The following EFCAB6 variants were observed in gnomAD, a reference collection of about 807,000 sequenced individuals.
EFCAB6 encodes EF-hand calcium binding domain 6, also known as EF-hand calcium-binding domain-containing protein 6.
A neutral mutation model predicts 169.8 loss-of-function variants in EFCAB6; 156 were observed. The observed-to-expected ratio is 0.92, with a 90% CI of 0.81 to 1.05. The LOEUF is 1.05. Among genes scored for constraint, EFCAB6 ranks in the 50% least tolerant of loss-of-function variants. The probability of loss-of-function intolerance (pLI) is 0.00; values close to 1 mark genes in which losing one functional copy is unlikely to be tolerated. For synonymous variants in EFCAB6, 698 were observed against 676.4 expected (o/e 1.03, Z -0.50); for missense variants, 1,800 against 1,829.1 (o/e 0.98, Z 0.29).
chr22:43,562,983 A>C (rs2049164636), intron 26 of EFCAB6, among the ~76,000 whole-genome samples: 1 of 152,100 alleles, frequency 6.6e-6, no homozygotes, highest in Admixed American at 6.5e-5. Context: ...GCCTGCTGCT[A>C]TCTGGGACGA....
chr22:43,700,580 A>C (rs1229794188), intron 10 of EFCAB6, among the ~76,000 whole-genome samples: 2 of 152,246 alleles, frequency 1.3e-5, no homozygotes, highest in Non-Finnish European at 2.9e-5. Context: ...CTCGGGAGAC[A>C]GAATGACAGA....
At chr22:43,640,180 A>C (rs936747563) in intron 17 of EFCAB6, among the ~76,000 whole-genome samples, 1 of 152,160 alleles carries the variant, frequency 6.6e-6, no homozygotes, top group Non-Finnish European at 1.5e-5. Context: ...AATGTTGAAT[A>C]ATTTGGGGTT....
At chr22:43,665,890 C>G (rs2057223852) in intron 17 of EFCAB6, among the ~76,000 whole-genome samples, 1 of 152,322 alleles carries the variant, frequency 6.6e-6, no homozygotes, top group South Asian at 2.1e-4. Flanking sequence ...TGGGTTCCAG[C>G]AATTCTCCTG....
intron 17 of EFCAB6, among the ~76,000 whole-genome samples, chr22:43,661,932 T>C (rs1009819019): frequency 3.3e-5 from 5 of 152,006 alleles, no homozygotes; most frequent in Non-Finnish European, 5.9e-5. Context: ...GCCTGACCAA[T>C]ATGGTGAAAA....
rs570301360 is a variant in EFCAB6, at chr22:43,537,119, A to G, written c.4048+258T>C. The G allele has an allele frequency of 1.7e-5, 6 of 363,270 alleles. No homozygotes were observed. The East Asian group carries it at 2.7e-4, about 17-fold the overall frequency. The allele number at this position is 363,270 out of a possible 1,614,324, so 22.5% of individuals were successfully genotyped here. ...TCTGCCCAGGGTGGCAACCACTGTG[A>G]TTTCTAAAGCTCAGAGTTAGTGCAG... On this transcript the variant is annotated intron_variant, in intron 29 of 31. Coordinates refer to ENST00000262726, the MANE Select transcript of EFCAB6 (RefSeq NM_022785.4). This position sits in a 1 kb window ranked among gnomAD's most constrained non-coding sequence, Gnocchi z 4.3.
intron 21 of EFCAB6, among the ~76,000 whole-genome samples, chr22:43,614,329 C>T (rs1429555903): frequency 2.6e-5 from 4 of 152,164 alleles, no homozygotes; most frequent in Admixed American, 6.5e-5. Flanking sequence ...AACAGACCCA[C>T]ATAATCAACA....
intron 7 of EFCAB6, 122 bp downstream of exon 7, chr22:43,735,735 G>A: frequency 8.8e-7 from 1 of 1,133,516 alleles, no homozygotes; most frequent in Non-Finnish European, 1.3e-6. Flanking sequence ...TGAGAAATAA[G>A]GTGTGTGTGT....
intron 8 of EFCAB6, among the ~76,000 whole-genome samples, chr22:43,731,102 T>A (rs2059931090): frequency 6.6e-6 from 1 of 152,050 alleles, no homozygotes; most frequent in African/African-American, 2.4e-5. Flanking sequence ...CAGACATTCA[T>A]CCTTAAAGAA....
chr22:43,763,767 T>C (rs1407125216), intron 5 of EFCAB6, among the ~76,000 whole-genome samples: 2 of 152,150 alleles, frequency 1.3e-5, no homozygotes, highest in Non-Finnish European at 2.9e-5. Context: ...TCAACTTTTA[T>C]TTTTTATTAT....
At chr22:43,680,921 ACTT>A (rs2057980704) in intron 12 of EFCAB6, among the ~76,000 whole-genome samples, 2 of 152,210 alleles carry the variant, frequency 1.3e-5, no homozygotes, top group African/African-American at 4.8e-5. Flanking sequence ...AGACAGTTTT[ACTT>A]CTTCCTTTTC....
At chr22:43,623,353 G>A (rs2054239374) in intron 20 of EFCAB6, among the ~76,000 whole-genome samples, 1 of 152,138 alleles carries the variant, frequency 6.6e-6, no homozygotes, top group African/African-American at 2.4e-5. Flanking sequence ...TTTAAACAAG[G>A]ACTGGAAGGG....
chr22:43,586,536 C>T (rs2051085680), intron 24 of EFCAB6, among the ~76,000 whole-genome samples: 1 of 151,746 alleles, frequency 6.6e-6, no homozygotes, highest in Non-Finnish European at 1.5e-5. Context: ...ATTCTGTCAG[C>T]ATGGCTCAAT....
intron 5 of EFCAB6, among the ~76,000 whole-genome samples, chr22:43,764,885 CT>C (rs1310442006): frequency 6.6e-6 from 1 of 151,016 alleles, no homozygotes; most frequent in East Asian, 2.0e-4. Flanking sequence ...ATACAAAGAT[CT>C]TTTTTTATTA....
chr22:43,528,925 A>G lies in EFCAB6; in HGVS notation c.4434T>C (p.Ile1478=). The G allele has an allele frequency of 1.9e-6, 3 of 1,610,782 alleles. No homozygotes were observed. The highest frequency in any genetic ancestry group is 2.5e-6 in the Non-Finnish European group (3 of 1,177,246). The part of the protein sequence containing the change: ...INLSEEEFFH[I]LEYYDKTLSS... ...ACAGCGTCTTATCGTAATACTCCAG[A>G]ATATGGAAGAACTCTTCCTCAGAGA... Residue 1478 remains isoleucine (I), a synonymous_variant, in exon 32 of 32, where the codon ATT becomes ATC. Coordinates refer to ENST00000262726, the MANE Select transcript of EFCAB6 (RefSeq NM_022785.4).
chr22:43,662,616 G>A (rs1297660318), intron 17 of EFCAB6, among the ~76,000 whole-genome samples: 1 of 152,058 alleles, frequency 6.6e-6, no homozygotes, highest in Non-Finnish European at 1.5e-5. Flanking sequence ...AGGGGAAGAG[G>A]AGGGCAAGAA....
intron 17 of EFCAB6, among the ~76,000 whole-genome samples, chr22:43,637,795 C>G (rs530978020): frequency 6.6e-6 from 1 of 152,208 alleles, no homozygotes; most frequent in African/African-American, 2.4e-5. Flanking sequence ...GGTAGAAAGC[C>G]GTGGCCCCCG....
At chr22:43,621,110 A>T (rs2054086478) in intron 20 of EFCAB6, among the ~76,000 whole-genome samples, 1 of 149,982 alleles carries the variant, frequency 6.7e-6, no homozygotes, top group South Asian at 2.1e-4. Flanking sequence ...TTTTTTTGAG[A>T]CAGAGTCTCA....
intron 6 of EFCAB6, among the ~76,000 whole-genome samples, chr22:43,747,210 C>A (rs1310570462): frequency 6.6e-6 from 1 of 152,216 alleles, no homozygotes; most frequent in African/African-American, 2.4e-5. Context: ...TCGTCTCCCC[C>A]AGCATTTCCC....
At chr22:43,569,176 C>G (rs1416392110) in intron 26 of EFCAB6, among the ~76,000 whole-genome samples, 1 of 152,232 alleles carries the variant, frequency 6.6e-6, no homozygotes, top group Non-Finnish European at 1.5e-5. Context: ...CCAGGCCGGA[C>G]CCAGGACACA....
Sources: allele counts gnomAD v4.1 joint callset (sites outside exome capture counted in the v4.1 genomes callset), GRCh38; gene constraint gnomAD v4.1.1; non-coding constraint Gnocchi (gnomAD v3.1); transcripts MANE v1.5; gene names NCBI Gene and HGNC (gene_info 2026-07-23, HGNC 2026-07-21).